The following CSMD3 variants were observed in gnomAD, a reference collection of about 807,000 sequenced individuals.
CSMD3 encodes the protein CUB and sushi domain-containing protein 3.
A neutral mutation model predicts 435.2 loss-of-function variants in CSMD3; 177 were observed. The ratio of observed to expected loss-of-function variants is 0.41; its 90% CI spans 0.36 to 0.46. CSMD3 has a LOEUF of 0.46. Ranked by LOEUF, CSMD3 falls within the 20% of genes least tolerant of loss-of-function variation. CSMD3 has a pLI of 0.34. For missense variants in CSMD3, 4,265 were observed against 4,504.6 expected, an observed-to-expected ratio of 0.95 and a Z score of 1.52; for synonymous variants, 1,656 against 1,520.5, an observed-to-expected ratio of 1.09 and a Z score of -2.07.
In CSMD3 at chr8:112,650,313, C is replaced by G. The variant is rs2131633265; in HGVS notation, c.3041G>C (p.Gly1014Ala). ...TVNTYSCLDP[G>A]IPVHGRRYGH... ...ATAGCGACGGCCATGTACAGGTATG[C>G]CAGGGTCCAAACAAGAATACGTGTT... is the stretch of plus-strand genomic sequence containing the variant. The change falls in exon 19 of 71, where the codon GGC becomes GCC. Residue 1014 changes from glycine to alanine, a missense_variant. Coordinates refer to ENST00000297405, the MANE Select transcript of CSMD3 (RefSeq NM_198123.2). The G allele has an allele frequency of 6.2e-7, 1 of 1,613,622 alleles. No individual in the cohort carries two copies. The highest frequency in any genetic ancestry group is 1.1e-5 in the South Asian group (1 of 91,068).
intron 4 of CSMD3, among the ~76,000 whole-genome samples, chr8:113,106,537 G>T (rs1190508144): frequency 6.6e-6 from 1 of 152,194 alleles, no homozygotes; most frequent in African/African-American, 2.4e-5. Context: ...GCAGGGGCAA[G>T]CATGGAAAAC....
chr8:112,516,296 T>C (rs1488909463), intron 28 of CSMD3, among the ~76,000 whole-genome samples: 1 of 152,134 alleles, frequency 6.6e-6, no homozygotes, highest in East Asian at 1.9e-4. Flanking sequence ...AGAGAAAACA[T>C]AGTTTGTTCA....
intron 11 of CSMD3, among the ~76,000 whole-genome samples, chr8:112,843,248 G>C (rs1022823864): frequency 1.3e-5 from 2 of 151,648 alleles, no homozygotes; most frequent in African/African-American, 4.8e-5. Context: ...AAAGATGGTA[G>C]CTTTAAGAGG....
intron 22 of CSMD3, among the ~76,000 whole-genome samples, chr8:112,614,827 A>G (rs16883872): frequency 0.24 from 36,493 of 152,056 alleles, 4,716 homozygotes; most frequent in African/African-American, 0.33. Context: ...CCTCTTAAAA[A>G]GTAGTTTAGT....
At chr8:112,811,244 GT>G (rs2079218763) in intron 12 of CSMD3, among the ~76,000 whole-genome samples, 1 of 151,764 alleles carries the variant, frequency 6.6e-6, no homozygotes, top group South Asian at 2.1e-4. Flanking sequence ...AAACTTCTAA[GT>G]ATAAATGCAA....
chr8:113,166,625 G>A (rs1319798130), intron 4 of CSMD3, among the ~76,000 whole-genome samples: 6 of 152,218 alleles, frequency 3.9e-5, no homozygotes, highest in South Asian at 4.1e-4. Context: ...GTTAACTTTG[G>A]AAAATATATT....
intron 4 of CSMD3, among the ~76,000 whole-genome samples, chr8:113,118,810 C>A (rs1184554908): frequency 1.3e-5 from 2 of 152,150 alleles, no homozygotes; most frequent in African/African-American, 4.8e-5. Context: ...AAGGTGATGG[C>A]ACAATTGACT....
chr8:112,975,502 C>G (rs186957119), intron 7 of CSMD3, among the ~76,000 whole-genome samples: 6 of 151,986 alleles, frequency 3.9e-5, no homozygotes, highest in African/African-American at 9.7e-5. Context: ...CTTTATTTTC[C>G]TGTTTTGTGA....
intron 31 of CSMD3, among the ~76,000 whole-genome samples, chr8:112,480,498 G>A (rs1423905452): frequency 6.6e-6 from 1 of 152,112 alleles, no homozygotes; most frequent in Non-Finnish European, 1.5e-5. Flanking sequence ...CCTCAATATT[G>A]GAGGTGGGGC....
intron 30 of CSMD3, among the ~76,000 whole-genome samples, chr8:112,503,118 C>A (rs935171595): frequency 2.0e-5 from 3 of 152,148 alleles, no homozygotes; most frequent in African/African-American, 7.2e-5. Context: ...CACGGTCTTG[C>A]TCTCCCAGGC....
chr8:113,402,860 C>T (rs934863076), intron 1 of CSMD3, among the ~76,000 whole-genome samples: 3 of 150,880 alleles, frequency 2.0e-5, no homozygotes, highest in Non-Finnish European at 4.5e-5. Context: ...AAGAGTATGC[C>T]GTAGTAAAAT....
intron 2 of CSMD3, among the ~76,000 whole-genome samples, chr8:113,307,990 G>A (rs1464705606): frequency 2.6e-5 from 4 of 152,024 alleles, no homozygotes; most frequent in African/African-American, 9.7e-5. Context: ...CAGAATGAGA[G>A]CTTTAAAAAG....
chr8:113,329,386 T>C (rs1271892107), intron 1 of CSMD3, among the ~76,000 whole-genome samples: 6 of 151,936 alleles, frequency 3.9e-5, no homozygotes, highest in East Asian at 1.9e-4. Flanking sequence ...AGCAAGAAAT[T>C]TGAAGTTCAT....
intron 4 of CSMD3, among the ~76,000 whole-genome samples, chr8:113,144,961 A>T (rs2091638200): frequency 6.6e-6 from 1 of 151,606 alleles, no homozygotes; most frequent in African/African-American, 2.4e-5. Flanking sequence ...ACTGGGCTTT[A>T]TTTTATAGAA....
intron 27 of CSMD3, among the ~76,000 whole-genome samples, chr8:112,545,504 T>TAAA (rs1216562590): frequency 4.3e-5 from 4 of 93,020 alleles, no homozygotes; most frequent in Non-Finnish European, 7.7e-5. Flanking sequence ...AAAAAAAAAA[T>TAAA]AATAATAATA....
chr8:112,317,416 T>C (rs1412232378), intron 47 of CSMD3, among the ~76,000 whole-genome samples: 1 of 152,046 alleles, frequency 6.6e-6, no homozygotes, highest in Non-Finnish European at 1.5e-5. Flanking sequence ...GAAATGCTGT[T>C]ATGTAATTGG....
intron 3 of CSMD3, among the ~76,000 whole-genome samples, chr8:113,201,590 GA>G (rs2092716547): frequency 6.6e-6 from 1 of 151,886 alleles, no homozygotes; most frequent in African/African-American, 2.4e-5. Context: ...TAAAAACAAT[GA>G]AACTTGAATT....
At chr8:112,417,418 G>A (rs1812029357) in intron 32 of CSMD3, among the ~76,000 whole-genome samples, 1 of 152,108 alleles carries the variant, frequency 6.6e-6, no homozygotes, top group Non-Finnish European at 1.5e-5. Flanking sequence ...AGCACCTGAA[G>A]CAGTAATAAA....
At chr8:113,030,689 T>G (rs1389072125) in intron 5 of CSMD3, among the ~76,000 whole-genome samples, 1 of 151,238 alleles carries the variant, frequency 6.6e-6, no homozygotes, top group Non-Finnish European at 1.5e-5. Flanking sequence ...AATTAAACAC[T>G]TCTGCTATGA....
Sources: gnomAD v4.1 joint callset for allele counts (sites outside exome capture counted in the v4.1 genomes callset) on GRCh38, gnomAD v4.1.1 for gene constraint, MANE v1.5 for transcripts, NCBI Gene and HGNC (gene_info 2026-07-23, HGNC 2026-07-21) for gene names.